The following KCNMB2 variants were observed in gnomAD, a reference collection of about 807,000 sequenced individuals.
KCNMB2 encodes the protein potassium calcium-activated channel subfamily M regulatory beta subunit 2, also known as calcium-activated potassium channel subunit beta-2.
In KCNMB2, 9 loss-of-function variants were observed where a neutral mutation model predicts 24.5. The ratio of observed to expected loss-of-function variants is 0.37; its 90% CI spans 0.22 to 0.64. KCNMB2 has a LOEUF of 0.64. Ranked by LOEUF, KCNMB2 falls within the 30% of genes least tolerant of loss-of-function variation. The probability of loss-of-function intolerance (pLI) is 0.63; values close to 1 mark genes in which losing one functional copy is unlikely to be tolerated. For synonymous variants in KCNMB2, 109 were observed against 104.4 expected (o/e 1.04, Z -0.27); for missense variants, 226 against 284.3 (o/e 0.79, Z 1.47).
chr3:178,570,945 A>C (rs1055068862), intron 1 of KCNMB2, among the ~76,000 whole-genome samples: 1 of 152,154 alleles, frequency 6.6e-6, no homozygotes, highest in Non-Finnish European at 1.5e-5. Flanking sequence ...TTATATGTTC[A>C]TCACTTTGGG....
chr3:178,565,284 G>A (rs1716478027), intron 1 of KCNMB2, among the ~76,000 whole-genome samples: 2 of 152,102 alleles, frequency 1.3e-5, no homozygotes, highest in African/African-American at 2.4e-5. Flanking sequence ...AAGATGGAAA[G>A]GAATAATGAA....
At chr3:178,577,230 T>G (rs1230151538) in intron 1 of KCNMB2, among the ~76,000 whole-genome samples, 2 of 152,052 alleles carry the variant, frequency 1.3e-5, no homozygotes, top group Non-Finnish European at 2.9e-5. Flanking sequence ...GCAAACAGGG[T>G]CTGGAGTGGA....
chr3:178,719,055 G>C (rs1329129054), intron 1 of KCNMB2, among the ~76,000 whole-genome samples: 1 of 152,196 alleles, frequency 6.6e-6, no homozygotes, highest in African/African-American at 2.4e-5. Flanking sequence ...GACTTTTTCA[G>C]AAGCATCACT....
At chr3:178,707,051 T>C (rs1408911144) in intron 1 of KCNMB2, among the ~76,000 whole-genome samples, 1 of 152,020 alleles carries the variant, frequency 6.6e-6, no homozygotes, top group Non-Finnish European at 1.5e-5. Context: ...AAGTAAAGAA[T>C]ACTTAGTCTC....
At chr3:178,581,580 A>C (rs1027085549) in intron 1 of KCNMB2, among the ~76,000 whole-genome samples, 1 of 152,236 alleles carries the variant, frequency 6.6e-6, no homozygotes, top group Non-Finnish European at 1.5e-5. Context: ...GTGGTCAGGC[A>C]ACCTACAGAA....
chr3:178,715,337 T>C (rs1233912277), intron 1 of KCNMB2, among the ~76,000 whole-genome samples: 5 of 151,792 alleles, frequency 3.3e-5, no homozygotes, highest in African/African-American at 7.3e-5. Context: ...TTTTCTATTG[T>C]CTTTTTCGTT....
chr3:178,842,931 T>A lies in KCNMB2; in HGVS notation c.702T>A (p.Asn234Lys). 1 of 1,597,624 alleles carries A rather than the reference T, an allele frequency of 6.3e-7. No individual in the cohort carries two copies. The highest frequency in any genetic ancestry group is 2.2e-5 in the East Asian group (1 of 44,684). The change falls in exon 5 of 5, where the codon AAT becomes AAA. Residue 234 changes from asparagine to lysine, a missense_variant. Transcript: ENST00000452583. ...SLLCERIQRI[N>K]R Reference sequence around the variant, plus strand: ...TATGTGAGAGGATCCAACGGATCAATAGATAAATGCAAAAATGGATAAAAT... The same window carrying A: ...TATGTGAGAGGATCCAACGGATCAAAAGATAAATGCAAAAATGGATAAAAT...
At chr3:178,537,939 T>C (rs535600169) in intron 1 of KCNMB2, among the ~76,000 whole-genome samples, 1 of 152,350 alleles carries the variant, frequency 6.6e-6, no homozygotes, top group South Asian at 2.1e-4. Flanking sequence ...ATTCTTCAAA[T>C]GCATCTAAAA....
intron 2 of KCNMB2, among the ~76,000 whole-genome samples, chr3:178,812,223 A>G (rs1714220425): frequency 6.6e-6 from 1 of 152,114 alleles, no homozygotes; most frequent in East Asian, 1.9e-4. Flanking sequence ...TGATAAATAT[A>G]TTAATATGTT....
intron 1 of KCNMB2, among the ~76,000 whole-genome samples, chr3:178,620,355 G>A (rs147132958): frequency 3.3e-5 from 5 of 152,148 alleles, no homozygotes; most frequent in African/African-American, 1.2e-4. Flanking sequence ...ATTTTTTAGA[G>A]AAAAAGTTAT....
intron 1 of KCNMB2, among the ~76,000 whole-genome samples, chr3:178,574,332 C>T (rs1413835998): frequency 6.6e-6 from 1 of 152,208 alleles, no homozygotes; most frequent in Admixed American, 6.5e-5. Flanking sequence ...CCATTTTAAC[C>T]TGGCTCCTCC....
intron 1 of KCNMB2, among the ~76,000 whole-genome samples, chr3:178,664,923 A>C (rs944394746): frequency 6.6e-6 from 1 of 152,158 alleles, no homozygotes; most frequent in African/African-American, 2.4e-5. Context: ...CAAAGGAAAT[A>C]ATTTTAATAA....
chr3:178,581,611 C>A (rs1717207400), intron 1 of KCNMB2, among the ~76,000 whole-genome samples: 1 of 152,120 alleles, frequency 6.6e-6, no homozygotes, highest in African/African-American at 2.4e-5. Flanking sequence ...TTTTTACAAT[C>A]TATACATCTG....
chr3:178,839,605 G>A (rs999138514), intron 4 of KCNMB2, among the ~76,000 whole-genome samples: 1 of 152,198 alleles, frequency 6.6e-6, no homozygotes, highest in Non-Finnish European at 1.5e-5. Flanking sequence ...GAGGCATCAG[G>A]AAGCTTACAA....
At chr3:178,755,132 G>A (rs1167570053) in intron 1 of KCNMB2, among the ~76,000 whole-genome samples, 4 of 152,196 alleles carry the variant, frequency 2.6e-5, no homozygotes, top group Non-Finnish European at 5.9e-5. Context: ...CCGTTTCCAC[G>A]GCAGGCAGTG....
chr3:178,659,938 C>T (rs1720467185), intron 1 of KCNMB2, among the ~76,000 whole-genome samples: 2 of 152,104 alleles, frequency 1.3e-5, no homozygotes, highest in African/African-American at 4.8e-5. Context: ...AGACCACTTT[C>T]CATCAGCAAA....
At chr3:178,832,344 C>CCATTCAGGATCACCT (rs1332599776) in intron 4 of KCNMB2, among the ~76,000 whole-genome samples, 2 of 93,768 alleles carry the variant, frequency 2.1e-5, no homozygotes, top group African/African-American at 7.0e-5. Flanking sequence ...GTAATCTTGG[C>CCATTCAGGATCACCT]CTATTTTAAA....
At chr3:178,766,900 G>A (rs556110326) in intron 1 of KCNMB2, among the ~76,000 whole-genome samples, 12 of 152,322 alleles carry the variant, frequency 7.9e-5, no homozygotes, top group African/African-American at 2.4e-4. Flanking sequence ...CCAGGAGCAT[G>A]ACCAAGGAAA....
At chr3:178,654,060 C>A (rs1188565327) in intron 1 of KCNMB2, among the ~76,000 whole-genome samples, 11 of 152,284 alleles carry the variant, frequency 7.2e-5, no homozygotes, top group African/African-American at 2.6e-4. Flanking sequence ...TAAGTCTCTT[C>A]TTGCACCAAT....
Sources: allele counts gnomAD v4.1 joint callset (sites outside exome capture counted in the v4.1 genomes callset), GRCh38; gene constraint gnomAD v4.1.1; transcripts MANE v1.5; gene names NCBI Gene and HGNC (gene_info 2026-07-23, HGNC 2026-07-21).